Variants in CNTNAP5 observed in about 807,000 individuals in gnomAD.
The protein encoded by CNTNAP5 is contactin associated protein family member 5, also known as contactin-associated protein-like 5.
CNTNAP5 carries 72 observed loss-of-function variants against 150.2 expected under a neutral mutation model. That is an observed-to-expected ratio of 0.48 (90% CI 0.40 to 0.58). CNTNAP5 has a LOEUF of 0.58. CNTNAP5 is among the 20% of genes least tolerant of loss of function. The probability of loss-of-function intolerance (pLI) is 0.00; values close to 1 mark genes in which losing one functional copy is unlikely to be tolerated. For missense variants in CNTNAP5, 1,636 were observed against 1,626.2 expected (o/e 1.01, Z -0.10); for synonymous variants, 672 against 619.8 (o/e 1.08, Z -1.25).
intron 2 of CNTNAP5, among the ~76,000 whole-genome samples, chr2:124,238,423 T>C (rs1686805662): frequency 6.6e-6 from 1 of 152,102 alleles, no homozygotes; most frequent in African/African-American, 2.4e-5. Flanking sequence ...CAAAGTCAAA[T>C]AATATAGTTT....
At chr2:124,647,735 T>G (rs548821262) in intron 12 of CNTNAP5, 23 bp from the exon 13 acceptor site, 1 of 1,562,798 alleles carries the variant, frequency 6.4e-7, no homozygotes, top group Admixed American at 1.8e-5. Context: ...CGTCTCTTGC[T>G]TTGTGTTGTG....
At chr2:124,039,373 C>T (rs1681306048) in intron 1 of CNTNAP5, among the ~76,000 whole-genome samples, 1 of 152,086 alleles carries the variant, frequency 6.6e-6, no homozygotes, top group Non-Finnish European at 1.5e-5. Flanking sequence ...AGGTGAAACC[C>T]AAGCATAGAC....
intron 3 of CNTNAP5, among the ~76,000 whole-genome samples, chr2:124,361,990 G>C (rs186973408): frequency 0.044 from 6,750 of 152,314 alleles, 218 homozygotes; most frequent in Non-Finnish European, 0.07. Context: ...CTCTGAGCCA[G>C]GTGCGGGATA....
intron 7 of CNTNAP5, among the ~76,000 whole-genome samples, chr2:124,494,659 T>TG (rs1336355550): frequency 6.6e-6 from 1 of 152,236 alleles, no homozygotes; most frequent in Non-Finnish European, 1.5e-5. Context: ...GTGAGTAGAC[T>TG]GGACGCATGA....
At chr2:124,550,682 T>C (rs983305775) in intron 10 of CNTNAP5, among the ~76,000 whole-genome samples, 4 of 152,140 alleles carry the variant, frequency 2.6e-5, no homozygotes, top group Admixed American at 2.0e-4. Flanking sequence ...CTCTGTCAAT[T>C]GCGTGGTGGA....
chr2:124,456,582 T>C (rs1469296973), intron 6 of CNTNAP5, among the ~76,000 whole-genome samples: 3 of 152,092 alleles, frequency 2.0e-5, no homozygotes, highest in African/African-American at 4.8e-5. Flanking sequence ...AAAATTCATA[T>C]GGAACTAAAA....
intron 3 of CNTNAP5, among the ~76,000 whole-genome samples, chr2:124,331,786 A>G (rs941127678): frequency 3.3e-5 from 5 of 152,034 alleles, no homozygotes; most frequent in African/African-American, 4.8e-5. Context: ...GAAGACTTAG[A>G]AAAGAGAGCA....
At chr2:124,421,747 A>G (rs1276872530) in intron 4 of CNTNAP5, among the ~76,000 whole-genome samples, 1 of 152,212 alleles carries the variant, frequency 6.6e-6, no homozygotes, top group South Asian at 2.1e-4. Flanking sequence ...TTGTTGAACA[A>G]TTGTTCCCAG....
chr2:124,603,341 T>G (rs1405830417), intron 11 of CNTNAP5, among the ~76,000 whole-genome samples: 1 of 152,064 alleles, frequency 6.6e-6, no homozygotes, highest in East Asian at 1.9e-4. Flanking sequence ...CAAGAATGTG[T>G]TTTAGATGGT....
intron 14 of CNTNAP5, among the ~76,000 whole-genome samples, chr2:124,755,174 C>T (rs1680813120): frequency 6.6e-6 from 1 of 151,182 alleles, no homozygotes; most frequent in South Asian, 2.1e-4. Flanking sequence ...TTCTGGAAAA[C>T]AAAACATAGC....
chr2:124,603,786 T>C (rs1334460162), intron 11 of CNTNAP5, among the ~76,000 whole-genome samples: 1 of 152,102 alleles, frequency 6.6e-6, no homozygotes, highest in Non-Finnish European at 1.5e-5. Flanking sequence ...AATAAATACA[T>C]ACATACATAT....
intron 1 of CNTNAP5, among the ~76,000 whole-genome samples, chr2:124,042,782 TCATC>T (rs888581989): frequency 7.6e-6 from 1 of 131,224 alleles, no homozygotes; most frequent in Non-Finnish European, 1.6e-5. Context: ...TAACTCTCTA[TCATC>T]TATCTATCTA....
At chr2:124,137,162 T>C (rs1683992472) in intron 1 of CNTNAP5, among the ~76,000 whole-genome samples, 1 of 152,154 alleles carries the variant, frequency 6.6e-6, no homozygotes, top group Non-Finnish European at 1.5e-5. Context: ...GCCTAGAACA[T>C]GGTCTGACTG....
intron 3 of CNTNAP5, among the ~76,000 whole-genome samples, chr2:124,318,856 T>C (rs536798029): frequency 6.6e-6 from 1 of 152,146 alleles, no homozygotes; most frequent in Non-Finnish European, 1.5e-5. Context: ...CCAGTCCCCC[T>C]GCCCACACCA....
rs1678354293 is a variant in CNTNAP5 at position 124,898,559 on chromosome 2, T to C, written c.3437-4323T>C. 1.3e-5 allele frequency among the ~76,000 whole-genome samples: 2 copies of C among 151,574 alleles called. 1 individual carries two copies. The highest frequency in any genetic ancestry group is 4.9e-5 in the African/African-American group (2 of 40,914). ...GGAGCATAGCTTTACTTACAAGAAA[T>C]AAAGGTGTTTGCAAAATAATGTAGA... On this transcript the variant is annotated intron_variant, in intron 21 of 23. Transcript: ENST00000682447.
chr2:124,413,804 T>C (rs1439515328), intron 3 of CNTNAP5, among the ~76,000 whole-genome samples: 6 of 121,882 alleles, frequency 4.9e-5, no homozygotes, highest in Admixed American at 2.7e-4. Flanking sequence ...GTGGGTGCAG[T>C]GCACCAGCAT....
At chr2:124,266,927 T>C (rs1687620249) in intron 3 of CNTNAP5, among the ~76,000 whole-genome samples, 1 of 151,938 alleles carries the variant, frequency 6.6e-6, no homozygotes, top group South Asian at 2.1e-4. Context: ...TTTGCTGGCT[T>C]AAGCATAATA....
chr2:124,271,041 G>A (rs986652418), intron 3 of CNTNAP5, among the ~76,000 whole-genome samples: 2 of 152,074 alleles, frequency 1.3e-5, no homozygotes, highest in African/African-American at 4.8e-5. Context: ...GTCTGGGCCC[G>A]TGTAGAACCC....
At chr2:124,534,809 C>G (rs1695191284) in intron 10 of CNTNAP5, among the ~76,000 whole-genome samples, 1 of 152,196 alleles carries the variant, frequency 6.6e-6, no homozygotes, top group Non-Finnish European at 1.5e-5. Context: ...TTTACTGGAT[C>G]CTGTTTTATC....
Sources: allele counts gnomAD v4.1 joint callset (sites outside exome capture counted in the v4.1 genomes callset), GRCh38; gene constraint gnomAD v4.1.1; transcripts MANE v1.5; gene names NCBI Gene and HGNC (gene_info 2026-07-23, HGNC 2026-07-21).